Variants in LRRN3 observed in about 807,000 individuals in gnomAD.
The protein encoded by LRRN3 is leucine-rich repeat neuronal protein 3.
A neutral mutation model predicts 40.1 loss-of-function variants in LRRN3; 15 were observed. That is an observed-to-expected ratio of 0.37 (90% CI 0.25 to 0.58). LRRN3 has a LOEUF of 0.58. Among genes scored for constraint, LRRN3 ranks in the 20% least tolerant of loss-of-function variants. The pLI is 0.72. For synonymous variants in LRRN3, 308 were observed against 297.2 expected, an observed-to-expected ratio of 1.04 and a Z score of -0.37; for missense variants, 746 against 837.7, an observed-to-expected ratio of 0.89 and a Z score of 1.35.
At chr7:111,115,290 C>T (rs1046180954) in intron 2 of LRRN3, among the ~76,000 whole-genome samples, 1 of 151,280 alleles carries the variant, frequency 6.6e-6, no homozygotes, top group African/African-American at 2.4e-5. Flanking sequence ...CATCAAGAGA[C>T]AAGTTATGAC....
rs568995303 is a variant in LRRN3, at chr7:111,105,526, T to A, written c.-359+5564T>A. Among the ~76,000 whole-genome samples, 10 of 151,954 alleles carry A rather than the reference T, an allele frequency of 6.6e-5. No homozygotes were observed. In the South Asian group the frequency reaches 2.1e-3, roughly 32 times the overall value. Reference sequence around the variant, plus strand: ...CTGGTTTGCTCCCTTATTCTGCAAATCACAAAAATGGGTTGCTGTAGCAAC... The same window carrying A: ...CTGGTTTGCTCCCTTATTCTGCAAAACACAAAAATGGGTTGCTGTAGCAAC... On this transcript the variant is annotated intron_variant, in intron 2 of 2. Coordinates refer to ENST00000308478, the MANE Select transcript of LRRN3 (RefSeq NM_001099658.2).
chr7:111,105,963 C>A (rs1288765325), intron 2 of LRRN3, among the ~76,000 whole-genome samples: 2 of 151,844 alleles, frequency 1.3e-5, no homozygotes, highest in Admixed American at 6.6e-5. Flanking sequence ...TCCTAATGCA[C>A]CAGCAAGGGC....
intron 2 of LRRN3, among the ~76,000 whole-genome samples, chr7:111,101,539 T>A (rs1223346375): frequency 1.3e-5 from 2 of 151,316 alleles, no homozygotes; most frequent in Non-Finnish European, 3.0e-5. Flanking sequence ...TTGTTGTAGA[T>A]TTAGTAAAAA....
chr7:111,102,414 G>A (rs1351324169), intron 2 of LRRN3, among the ~76,000 whole-genome samples: 1 of 151,446 alleles, frequency 6.6e-6, no homozygotes, highest in Non-Finnish European at 1.5e-5. Context: ...TTTAGCAGAA[G>A]CACAATTCAC....
At chr7:111,120,253 A>C (rs1294248976) in intron 2 of LRRN3, among the ~76,000 whole-genome samples, 5 of 152,148 alleles carry the variant, frequency 3.3e-5, no homozygotes, top group Non-Finnish European at 7.3e-5. Flanking sequence ...AAGACTGAGT[A>C]ATTTACAAAG....
chr7:111,121,500 C>T (rs1456192413), intron 2 of LRRN3, among the ~76,000 whole-genome samples: 1 of 152,118 alleles, frequency 6.6e-6, no homozygotes, highest in Admixed American at 6.6e-5. Context: ...CACTGGCCAT[C>T]AGAGAAATGC....
At chr7:111,107,929 C>T (rs1335520814) in intron 2 of LRRN3, among the ~76,000 whole-genome samples, 3 of 152,132 alleles carry the variant, frequency 2.0e-5, no homozygotes, top group Admixed American at 6.5e-5. Context: ...TAGAGTTCTG[C>T]TGAAATTTTG....
intron 2 of LRRN3, among the ~76,000 whole-genome samples, chr7:111,105,759 A>G (rs1039506791): frequency 6.6e-6 from 1 of 151,886 alleles, no homozygotes; most frequent in Admixed American, 6.6e-5. Flanking sequence ...AAAGGTGAAA[A>G]GAAAAAAAAA....
intron 2 of LRRN3, among the ~76,000 whole-genome samples, chr7:111,122,144 G>C (rs1364748635): frequency 2.6e-5 from 4 of 151,718 alleles, no homozygotes; most frequent in Non-Finnish European, 5.9e-5. Context: ...AATGGGTGCA[G>C]CACACCAACA....
At chr7:111,097,014 G>C (rs970949231) in intron 1 of LRRN3, 1 of 151,782 alleles carries the variant, frequency 6.6e-6, no homozygotes, top group Admixed American at 6.6e-5. Flanking sequence ...GTCATTTCAC[G>C]CTTTACTTCC....
At chr7:111,120,970 TAA>T (rs761882241) in intron 2 of LRRN3, among the ~76,000 whole-genome samples, 9 of 151,276 alleles carry the variant, frequency 5.9e-5, no homozygotes, top group Non-Finnish European at 1.3e-4. Context: ...TTGAAAGATT[TAA>T]AAGTTGTTTT....
At chr7:111,109,620 A>G (rs1432822686) in intron 2 of LRRN3, among the ~76,000 whole-genome samples, 2 of 152,172 alleles carry the variant, frequency 1.3e-5, no homozygotes, top group East Asian at 3.8e-4. Flanking sequence ...TGCCCCTTCA[A>G]CTTTCACCAC....
At chr7:111,121,905 A>G (rs942881901) in intron 2 of LRRN3, among the ~76,000 whole-genome samples, 1 of 152,214 alleles carries the variant, frequency 6.6e-6, no homozygotes, top group Admixed American at 6.5e-5. Context: ...GCCATAAAAA[A>G]TGATGAGTTC....
chr7:111,115,970 T>A (rs1445828609), intron 2 of LRRN3, among the ~76,000 whole-genome samples: 1 of 151,942 alleles, frequency 6.6e-6, no homozygotes, highest in Admixed American at 6.6e-5. Context: ...AGCCACCACA[T>A]CCGGCCGGAA....
At chr7:111,109,832 G>C (rs1798984534) in intron 2 of LRRN3, among the ~76,000 whole-genome samples, 1 of 152,120 alleles carries the variant, frequency 6.6e-6, no homozygotes, top group Non-Finnish European at 1.5e-5. Flanking sequence ...TTAATGGAAA[G>C]GGCCCTTAAA....
chr7:111,111,401 A>AT (rs59303613), intron 2 of LRRN3, among the ~76,000 whole-genome samples: 12,719 of 146,864 alleles, frequency 0.087, 1,230 homozygotes, highest in African/African-American at 0.24. Flanking sequence ...ACTGCTTTCC[A>AT]TCCCCCCCCA....
At chr7:111,105,452 C>A (rs77625070) in intron 2 of LRRN3, among the ~76,000 whole-genome samples, 1 of 151,844 alleles carries the variant, frequency 6.6e-6, no homozygotes, top group Non-Finnish European at 1.5e-5. Context: ...AGACTGCATA[C>A]GTTACCATCT....
chr7:111,093,803 T>C (rs1357639646), intron 1 of LRRN3, among the ~76,000 whole-genome samples: 1 of 152,152 alleles, frequency 6.6e-6, no homozygotes, highest in Non-Finnish European at 1.5e-5. Context: ...GATTTACCCA[T>C]AGTCTCCCCA....
At position 111,124,709 on chromosome 7, in the gene LRRN3, T is replaced by C; in HGVS notation, c.1937T>C (p.Ile646Thr). ...LLGIIGVICL[I>T]SCLSPEMNCD... ...GGGATTATTGGTGTGATATGTCTTA[T>C]CAGCTGCCTCTCTCCAGAAATGAAC... Residue 646 changes from isoleucine (I) to threonine (T), a missense_variant, in exon 3 of 3, where the codon ATC becomes ACC. Ile to Thr is a moderately conservative substitution (Grantham distance 89). Transcript: ENST00000308478. 6.8e-6 allele frequency: 11 copies of C among 1,613,950 alleles called. No individual in the cohort carries two copies. Among genetic ancestry groups the C allele is most frequent in the Non-Finnish European group, 9.3e-6 (11 of 1,179,970 alleles).
Sources: allele counts gnomAD v4.1 joint callset (sites outside exome capture counted in the v4.1 genomes callset), GRCh38; gene constraint gnomAD v4.1.1; transcripts MANE v1.5; gene names NCBI Gene and HGNC (gene_info 2026-07-23, HGNC 2026-07-21).